XKR9: variants seen among roughly 807,000 people sequenced by gnomAD.
The protein encoded by XKR9 is XK related 9.
Under a neutral mutation model 32.0 loss-of-function variants are expected in XKR9, and 32 were observed. That is an observed-to-expected ratio of 1.00 (90% CI 0.76 to 1.34). XKR9 has a LOEUF of 1.34. Among genes scored for constraint, XKR9 ranks in the 40% most tolerant of loss-of-function variants. The probability of loss-of-function intolerance (pLI) is 0.00; values close to 1 mark genes in which losing one functional copy is unlikely to be tolerated. For synonymous variants in XKR9, 168 were observed against 143.4 expected, an observed-to-expected ratio of 1.17 and a Z score of -1.22; for missense variants, 546 against 429.7, an observed-to-expected ratio of 1.27 and a Z score of -2.39.
At chr8:70,917,148 A>G in the XKR9 span, among the ~76,000 whole-genome samples, 5 of 152,066 alleles carry the variant, frequency 3.3e-5, no homozygotes, top group Admixed American at 6.6e-5. Flanking sequence ...TTCCTGCTTC[A>G]GGGCTTTTTC....
At chr8:70,977,213 G>T in the XKR9 span, among the ~76,000 whole-genome samples, 2 of 151,890 alleles carry the variant, frequency 1.3e-5, no homozygotes, top group African/African-American at 4.8e-5. Context: ...TTGATTTTTT[G>T]AAGGGTTTTT....
At chr8:70,857,855 T>A in the XKR9 span, among the ~76,000 whole-genome samples, 7 of 152,000 alleles carry the variant, frequency 4.6e-5, no homozygotes, top group East Asian at 7.7e-4. Flanking sequence ...ACAGAACCAA[T>A]GACAAAAACC....
intron 2 of XKR9, among the ~76,000 whole-genome samples, chr8:70,780,606 T>A (rs1471179213): frequency 6.6e-6 from 1 of 152,140 alleles, no homozygotes; most frequent in Non-Finnish European, 1.5e-5. Context: ...GAAGAATTCT[T>A]CCCTAGAACC....
chr8:70,802,023 G>T, the XKR9 span, among the ~76,000 whole-genome samples: 2 of 149,582 alleles, frequency 1.3e-5, no homozygotes, highest in East Asian at 3.9e-4. Flanking sequence ...TGCAAGCTCC[G>T]CCTCCCAGGT....
chr8:70,884,022 G>A, the XKR9 span, among the ~76,000 whole-genome samples: 1 of 152,098 alleles, frequency 6.6e-6, no homozygotes, highest in Non-Finnish European at 1.5e-5. Context: ...GAAAGTTCCT[G>A]TTGCTCCACA....
chr8:70,827,453 T>C, the XKR9 span, among the ~76,000 whole-genome samples: 1 of 152,130 alleles, frequency 6.6e-6, no homozygotes, highest in Non-Finnish European at 1.5e-5. Context: ...TATGAGACGG[T>C]TGTGTGTAGG....
chr8:70,914,727 T>G, the XKR9 span, among the ~76,000 whole-genome samples: 1 of 152,192 alleles, frequency 6.6e-6, no homozygotes. Flanking sequence ...TAATTTTAAT[T>G]AAGCCCAATT....
chr8:70,811,773 A>G, the XKR9 span, among the ~76,000 whole-genome samples: 2 of 152,208 alleles, frequency 1.3e-5, no homozygotes, highest in Admixed American at 6.5e-5. Context: ...GACCAATAAC[A>G]GGATCTGAAA....
At chr8:70,860,471 C>T in the XKR9 span, among the ~76,000 whole-genome samples, 7 of 152,098 alleles carry the variant, frequency 4.6e-5, no homozygotes, top group Non-Finnish European at 8.8e-5. Flanking sequence ...GTTTATAAGC[C>T]ACCAAGGTTA....
At chr8:71,051,428 A>T in the XKR9 span, among the ~76,000 whole-genome samples, 9 of 152,178 alleles carry the variant, frequency 5.9e-5, no homozygotes, top group Non-Finnish European at 1.3e-4. Flanking sequence ...GAAAACAACA[A>T]ATATTGAGAT....
the XKR9 span, among the ~76,000 whole-genome samples, chr8:70,938,362 G>A: frequency 6.6e-6 from 1 of 151,896 alleles, no homozygotes; most frequent in African/African-American, 2.4e-5. Flanking sequence ...GGAATAGGGT[G>A]TAGAAGATGG....
the XKR9 span, among the ~76,000 whole-genome samples, chr8:71,003,062 A>G: frequency 2.0e-5 from 3 of 152,232 alleles, no homozygotes; most frequent in Non-Finnish European, 4.4e-5. Flanking sequence ...TAATGAGTAC[A>G]TCACACTGAA....
intron 3 of XKR9, among the ~76,000 whole-genome samples, chr8:70,704,161 G>A (rs371449950): frequency 9.2e-5 from 14 of 151,992 alleles, no homozygotes; most frequent in South Asian, 8.3e-4. Flanking sequence ...CAGCCTGGGC[G>A]ACAGAGGGAG....
chr8:70,962,872 G>T, the XKR9 span, among the ~76,000 whole-genome samples: 1 of 152,130 alleles, frequency 6.6e-6, no homozygotes. Context: ...AATGTCAGAG[G>T]GTAAGGTCCT....
At chr8:70,976,188 A>G in the XKR9 span, among the ~76,000 whole-genome samples, 1 of 152,174 alleles carries the variant, frequency 6.6e-6, no homozygotes, top group Admixed American at 6.5e-5. Context: ...TCATCTGCAG[A>G]GAGGGACAAT....
chr8:70,933,292 C>A, the XKR9 span, among the ~76,000 whole-genome samples: 1 of 152,060 alleles, frequency 6.6e-6, no homozygotes, highest in Non-Finnish European at 1.5e-5. Context: ...TTTTCTCTAT[C>A]CTACACCACG....
chr8:70,687,444 A>G (rs1586815158), intron 3 of XKR9, among the ~76,000 whole-genome samples: 2 of 147,742 alleles, frequency 1.4e-5, no homozygotes, highest in South Asian at 2.1e-4. Flanking sequence ...ATCATAGCTC[A>G]TTATAACCTC....
chr8:70,819,726 C>T, the XKR9 span, among the ~76,000 whole-genome samples: 6 of 152,116 alleles, frequency 3.9e-5, no homozygotes, highest in African/African-American at 1.4e-4. Flanking sequence ...GTAATACTGT[C>T]CTTGCCAAGG....
At chr8:70,715,218 T>C (rs1187967188) in intron 4 of XKR9, among the ~76,000 whole-genome samples, 1 of 152,162 alleles carries the variant, frequency 6.6e-6, no homozygotes, top group Non-Finnish European at 1.5e-5. Context: ...CATGTAAACA[T>C]GTCCCCTATG....
Sources: allele counts gnomAD v4.1 joint callset (sites outside exome capture counted in the v4.1 genomes callset), GRCh38; gene constraint gnomAD v4.1.1; transcripts MANE v1.5; gene names NCBI Gene and HGNC (gene_info 2026-07-23, HGNC 2026-07-21).